ZNF792: variants seen among roughly 807,000 people sequenced by gnomAD.
The protein encoded by ZNF792 is zinc finger protein 792.
In ZNF792, 14 loss-of-function variants were observed where a neutral mutation model predicts 13.1. The observed-to-expected ratio is 1.07, with a 90% CI of 0.71 to 1.67. The LOEUF (loss-of-function observed/expected upper bound fraction) is 1.67. ZNF792 is among the 40% of genes most tolerant of loss of function. ZNF792 has a pLI of 0.00. For synonymous variants in ZNF792, 257 were observed against 292.0 expected (o/e 0.88, Z 1.22); for missense variants, 740 against 807.9 (o/e 0.92, Z 1.02).
In ZNF792 at chr19:34,959,180, A is replaced by C. The variant is rs1337644845; in HGVS notation, c.675T>G (p.Phe225Leu). ...CGCTGGGAGTGACCTCACACTGCAGAAACCCTGCTGTGGCCACAAAGTCCT... is the reference window on the plus strand; with the variant it reads ...CGCTGGGAGTGACCTCACACTGCAGCAACCCTGCTGTGGCCACAAAGTCCT... The part of the protein sequence containing the change: ...GGKDFVATAG[F>L]LQCEVTPSDG... Residue 225 changes from phenylalanine (F) to leucine (L), a missense_variant, in exon 4 of 4, where the codon TTT (phenylalanine) becomes TTG (leucine). Coordinates refer to ENST00000404801, the MANE Select transcript of ZNF792 (RefSeq NM_175872.5). 3.1e-6 allele frequency: 5 copies of C among 1,613,894 alleles called. No individual in the cohort carries two copies. The highest frequency in any genetic ancestry group is 4.2e-6 in the Non-Finnish European group (5 of 1,179,900).
In ZNF792 at chr19:34,958,727, G is replaced by A. The variant is rs2013476350; in HGVS notation, c.1128C>T (p.Ser376=). ...TATGATGAATGAGGTTGGAACGCTG[G>A]CTGAAGAACTTCCCACAGTCGCTGC... The part of the protein sequence containing the change: ...YECSDCGKFF[S]QRSNLIHHKR... Residue 376 remains serine, a synonymous_variant, in exon 4 of 4, where the codon AGC becomes AGT. Transcript: ENST00000404801. 1 of 1,613,866 alleles carries A rather than the reference G, an allele frequency of 6.2e-7. No homozygotes were observed. Among genetic ancestry groups the A allele is most frequent in the Non-Finnish European group, 8.5e-7 (1 of 1,179,922 alleles).
Position 34,960,821 on chromosome 19 carries a change from C to T in ZNF792, c.160+47G>A, listed in dbSNP as rs115615633. The T allele has an allele frequency of 7.7e-4, 1,246 of 1,613,072 alleles. 11 individuals are homozygous for T. In the African/African-American group the frequency reaches 0.015, roughly 20 times the overall value. Reference sequence around the variant, plus strand: ...AGAGCTGTTTCTTGGGCAAAGGGGACAGGCAGAGAGGAGCTCGGGACACCG... The same window carrying T: ...AGAGCTGTTTCTTGGGCAAAGGGGATAGGCAGAGAGGAGCTCGGGACACCG... On this transcript the variant is annotated intron_variant, in intron 2 of 3. Transcript: ENST00000404801.
Position 34,959,478 on chromosome 19 carries a change from A to C in ZNF792, c.377T>G (p.Leu126Arg). 6.2e-7 allele frequency: 1 copy of C among 1,613,176 alleles called. No individual in the cohort carries two copies. Among genetic ancestry groups the C allele is most frequent in the Non-Finnish European group, 8.5e-7 (1 of 1,179,388 alleles). The stretch of plus-strand genomic sequence containing the variant: ...ACAGGGGCAGGTCTTCTGGGGGCAC[A>C]GAGTTGCCTCGGGACTCCTGTCCTG... ...VAQDRSPEAT[L>R]CPQKTCPCDI... The change falls in exon 4 of 4, where the codon CTG becomes CGG. Residue 126 changes from leucine (L) to arginine (R), a missense_variant. Coordinates refer to ENST00000404801, the MANE Select transcript of ZNF792 (RefSeq NM_175872.5).
At position 34,960,941 on chromosome 19, in the gene ZNF792, C is replaced by G. The variant is rs755492137; in HGVS notation, c.87G>C (p.Val29=). ...GGAGTCTCTGAGCCTCATCGAGGAGCACCCACTCCTCCTGGGAGAAGTAAA... is the reference window on the plus strand; with the variant it reads ...GGAGTCTCTGAGCCTCATCGAGGAGGACCCACTCCTCCTGGGAGAAGTAAA... ...VTIYFSQEEW[V]LLDEAQRLLY... is the part of the protein sequence containing the mutation. Residue 29 remains valine, a synonymous_variant, in exon 2 of 4, where the codon GTG becomes GTC. Transcript: ENST00000404801. 6.2e-7 allele frequency: 1 copy of G among 1,613,882 alleles called. No homozygotes were observed.
chr19:34,957,890 G>T lies in ZNF792; in HGVS notation c.*66C>A. ...ATCACAACCCCAGCAGTGAAAAAACGCTGATAAACTCTACAGTAAGAGAAT... is the reference window on the plus strand; with the variant it reads ...ATCACAACCCCAGCAGTGAAAAAACTCTGATAAACTCTACAGTAAGAGAAT... On this transcript the variant is annotated 3_prime_UTR_variant, in exon 4 of 4. Transcript: ENST00000404801. The T allele has an allele frequency of 1.4e-6, 2 of 1,471,162 alleles. No individual in the cohort carries two copies. Among genetic ancestry groups the T allele is most frequent in the Non-Finnish European group, 9.1e-7 (1 of 1,103,112 alleles). 91.1% of individuals were successfully genotyped at this position (1,471,162 alleles called of 1,614,324 possible).
At chr19:34,960,581 C>G (rs1305458808) in intron 2 of ZNF792, 1 of 695,652 alleles carries the variant, frequency 1.4e-6, no homozygotes, top group South Asian at 1.9e-5. Context: ...TCTGGATAAT[C>G]ACCCAGGAGG....
rs764437891 is a variant in ZNF792 at position 34,963,673 on chromosome 19, G to A, written c.-11C>T. 4 of 1,598,250 alleles carry A rather than the reference G, an allele frequency of 2.5e-6. No individual in the cohort carries two copies. In the African/African-American group the frequency reaches 5.4e-5, roughly 21 times the overall value. On this transcript the variant is annotated 5_prime_UTR_variant, in exon 1 of 4. Transcript: ENST00000404801. ...CGCCGCCGCTGCCATCGGAGTCTGT[G>A]GTCAGAGCAGGGCCCCACGGTGCGG...
intron 1 of ZNF792, among the ~76,000 whole-genome samples, chr19:34,962,694 A>G (rs1240771964): frequency 6.6e-6 from 1 of 152,012 alleles, no homozygotes; most frequent in Non-Finnish European, 1.5e-5. Flanking sequence ...GCAGAGTTCT[A>G]TTTGTATACA....
Position 34,960,362 on chromosome 19 carries a change from G to A in ZNF792, c.161-5C>T. On this transcript the variant is annotated splice_region_variant and splice_polypyrimidine_tract_variant and intron_variant, in intron 2 of 3. Transcript: ENST00000404801. ...GGGACCTGAAAGATATAAGTCCTAA[G>A]GGAAAGACAGAGTGGGTCAGTGGCC... 1 of 1,612,152 alleles carries A rather than the reference G, an allele frequency of 6.2e-7. No individual in the cohort carries two copies. Among genetic ancestry groups the A allele is most frequent in the Non-Finnish European group, 8.5e-7 (1 of 1,179,330 alleles).
chr19:34,963,131 T>C (rs1303985865), intron 1 of ZNF792, among the ~76,000 whole-genome samples: 1 of 152,154 alleles, frequency 6.6e-6, no homozygotes, highest in African/African-American at 2.4e-5. Context: ...AGTTCTCCAC[T>C]GTGCATCCAC....
rs568987196 is a variant in ZNF792, at chr19:34,964,202, C to A, written c.-540G>T. Among the ~76,000 whole-genome samples the A allele has an allele frequency of 1.3e-5, 2 of 152,166 alleles. No individual in the cohort carries two copies. Among genetic ancestry groups the A allele is most frequent in the African/African-American group, 2.4e-5 (1 of 41,450 alleles). On this transcript the variant is annotated 5_prime_UTR_variant, in exon 1 of 4. Coordinates refer to ENST00000404801, the MANE Select transcript of ZNF792 (RefSeq NM_175872.5). Reference sequence around the variant, plus strand: ...GATCGCGAGTTTCTGCCCAGCCTCTCGTCAGGCTGAGGGTCCAGGGCGGGA... The same window carrying A: ...GATCGCGAGTTTCTGCCCAGCCTCTAGTCAGGCTGAGGGTCCAGGGCGGGA...
chr19:34,960,113 G>T, intron 3 of ZNF792, 122 bp downstream of exon 3: 1 of 1,399,690 alleles, frequency 7.1e-7, no homozygotes, highest in Non-Finnish European at 9.7e-7. Context: ...GGAAGGAAAA[G>T]CAGAGACGTG....
At chr19:34,962,405 G>A (rs945804968) in intron 1 of ZNF792, among the ~76,000 whole-genome samples, 1 of 152,230 alleles carries the variant, frequency 6.6e-6, no homozygotes, top group Non-Finnish European at 1.5e-5. Flanking sequence ...GGGTGAACTA[G>A]AAGTGGGCAT....
At position 34,957,695 on chromosome 19, in the gene ZNF792, G is replaced by T; in HGVS notation, c.*261C>A. ...ACAGCCAAAAGCTGGTCATGTCCAT[G>T]GCTAAACCAGCCATACAGGGCGGGA... On this transcript the variant is annotated 3_prime_UTR_variant, in exon 4 of 4. Coordinates refer to ENST00000404801, the MANE Select transcript of ZNF792 (RefSeq NM_175872.5). The T allele has an allele frequency of 2.5e-6, 1 of 407,410 alleles. No individual in the cohort carries two copies. The highest frequency in any genetic ancestry group is 4.3e-6 in the Non-Finnish European group (1 of 230,576). 25.2% of individuals were successfully genotyped at this position (407,410 alleles called of 1,614,324 possible). A position where few individuals can be genotyped will look rare whatever the true frequency, so the allele number is the denominator to read the frequency against.
chr19:34,959,518 C>A lies in ZNF792; in HGVS notation c.337G>T (p.Val113Leu). ...CTCCTGTCCTGTGCCACTCCTTCTACAGAAACGTTATGCTCAGAAGGTAAG... is the reference window on the plus strand; with the variant it reads ...CTCCTGTCCTGTGCCACTCCTTCTAAAGAAACGTTATGCTCAGAAGGTAAG... ...KDLPSEHNVS[V>L]EGVAQDRSPE... Residue 113 changes from valine (V) to leucine (L), a missense_variant, in exon 4 of 4, where the codon GTA becomes TTA. Physicochemically the swap from Val to Leu is conservative, Grantham distance 32. Transcript: ENST00000404801. 6.3e-7 allele frequency: 1 copy of A among 1,585,604 alleles called. No individual in the cohort carries two copies. The highest frequency in any genetic ancestry group is 2.2e-5 in the East Asian group (1 of 44,582).
chr19:34,960,974 G>A lies in ZNF792; in HGVS notation c.54C>T (p.Asp18=), dbSNP rs373145674. ...DPAQGCVTFE[D]VTIYFSQEEW... is the part of the protein sequence containing the mutation. Reference sequence around the variant, plus strand: ...CCTCCTGGGAGAAGTAAATGGTCACGTCCTCAAAGGTCACGCAGCCCTGCC... The same window carrying A: ...CCTCCTGGGAGAAGTAAATGGTCACATCCTCAAAGGTCACGCAGCCCTGCC... Residue 18 remains aspartate, a synonymous_variant, in exon 2 of 4, where the codon GAC becomes GAT. Transcript: ENST00000404801. 14 of 1,613,570 alleles carry A rather than the reference G, an allele frequency of 8.7e-6. No homozygotes were observed. The highest frequency in any genetic ancestry group is 1.7e-5 in the Admixed American group (1 of 59,970).
chr19:34,963,598 G>A (rs2013559837), intron 1 of ZNF792, 32 bp downstream of exon 1: 9 of 1,595,014 alleles, frequency 5.6e-6, no homozygotes, highest in Non-Finnish European at 7.7e-6. Flanking sequence ...GTGGGGGGCC[G>A]ACAGCGAAGG....
intron 2 of ZNF792, 124 bp from the exon 3 acceptor site, chr19:34,960,481 C>T (rs2013511514): frequency 2.4e-6 from 3 of 1,229,438 alleles, no homozygotes; most frequent in African/African-American, 3.0e-5. Flanking sequence ...AAGCAGTAAC[C>T]ACATCAGTGA....
chr19:34,957,830 G>T lies in ZNF792; in HGVS notation c.*126C>A. ...CAGTGGAGTGGTGGACACACTCTTT[G>T]GAGAGCTGCAGTGTGTGGTGCTGAC... On this transcript the variant is annotated 3_prime_UTR_variant, in exon 4 of 4. Transcript: ENST00000404801. 2.2e-6 allele frequency: 2 copies of T among 913,594 alleles called. No individual in the cohort carries two copies. The highest frequency in any genetic ancestry group is 3.3e-6 in the Non-Finnish European group (2 of 613,430). 56.6% of individuals were successfully genotyped at this position (913,594 alleles called of 1,614,324 possible). A position where few individuals can be genotyped will look rare whatever the true frequency, so the allele number is the denominator to read the frequency against.
Sources: gnomAD v4.1 joint callset for allele counts (sites outside exome capture counted in the v4.1 genomes callset) on GRCh38, gnomAD v4.1.1 for gene constraint, MANE v1.5 for transcripts, NCBI Gene and HGNC (gene_info 2026-07-23, HGNC 2026-07-21) for gene names.